Variants in PAH observed in about 807,000 individuals in gnomAD.
PAH encodes the protein phenylalanine hydroxylase, also known as phenylalanine-4-hydroxylase.
In PAH, 64 loss-of-function variants were observed where a neutral mutation model predicts 62.0. The observed-to-expected ratio is 1.03, with a 90% CI of 0.84 to 1.27. PAH has a LOEUF of 1.27. PAH is among the 50% of genes most tolerant of loss of function. PAH has a pLI of 0.00. For synonymous variants in PAH, 195 were observed against 196.2 expected (o/e 0.99, Z 0.05); for missense variants, 579 against 542.8 (o/e 1.07, Z -0.66).
At chr12:102,883,446 C>T (rs1365668405) in intron 3 of PAH, among the ~76,000 whole-genome samples, 1 of 152,178 alleles carries the variant, frequency 6.6e-6, no homozygotes, top group Non-Finnish European at 1.5e-5. Context: ...TTTTCCTTCT[C>T]CAGAGGAAAA....
upstream of PAH, chr12:102,953,861 C>G (rs1381186795): frequency 6.6e-6 from 1 of 152,246 alleles, no homozygotes; most frequent in Admixed American, 6.5e-5. Flanking sequence ...AGTGAAAAGG[C>G]AATCTCTGAT....
chr12:102,868,295 A>G (rs906838111), intron 4 of PAH, among the ~76,000 whole-genome samples: 2 of 150,940 alleles, frequency 1.3e-5, no homozygotes, highest in African/African-American at 4.9e-5. Context: ...TCTGGCACAC[A>G]GGAAAAAACT....
At chr12:102,862,510 C>T (rs1875772733) in intron 5 of PAH, among the ~76,000 whole-genome samples, 1 of 152,020 alleles carries the variant, frequency 6.6e-6, no homozygotes, top group African/African-American at 2.4e-5. Flanking sequence ...ACAAGTTTAC[C>T]TATATGTAAA....
intron 1 of PAH, among the ~76,000 whole-genome samples, chr12:102,915,399 C>G (rs1323775632): frequency 6.6e-6 from 1 of 152,160 alleles, no homozygotes; most frequent in Non-Finnish European, 1.5e-5. Flanking sequence ...TCACCTGAGG[C>G]CACATAGGTA....
chr12:102,928,717 A>G (rs1592995622), intron 1 of PAH, among the ~76,000 whole-genome samples: 1 of 152,114 alleles, frequency 6.6e-6, no homozygotes, highest in Non-Finnish European at 1.5e-5. Flanking sequence ...CACAGACCTG[A>G]TTGTGGATAT....
chr12:102,873,416 G>A (rs2136674363), intron 4 of PAH, among the ~76,000 whole-genome samples: 1 of 152,308 alleles, frequency 6.6e-6, no homozygotes, highest in Non-Finnish European at 1.5e-5. Flanking sequence ...TTGGTGGAAG[G>A]AGGCTTGGTT....
Position 102,957,021 on chromosome 12 carries a change from A to G in PAH, c.-96+1174T>C, listed in dbSNP as rs1351153596. ...GGGACTAGAACCCACGTTTTCACAT[A>G]GTCCAGCACTTTTTTTCACTGTTCT... On this transcript the variant is annotated intron_variant, in intron 1 of 4. Coordinates refer to the PAH transcript ENST00000551337. This position sits in a 1 kb window ranked among gnomAD's most constrained non-coding sequence, Gnocchi z 4.1. 1.3e-5 allele frequency among the ~76,000 whole-genome samples: 2 copies of G among 152,190 alleles called. No individual in the cohort carries two copies. The highest frequency in any genetic ancestry group is 1.9e-4 in the East Asian group (1 of 5,192).
At chr12:102,945,879 T>C (rs111624242) in intron 1 of PAH, 8,954 of 152,176 alleles carry the variant, frequency 0.059, 555 homozygotes, top group African/African-American at 0.16. Flanking sequence ...TCTCTCCTCA[T>C]AGCCACCACA....
intron 1 of PAH, chr12:102,958,071 G>A: frequency 2.2e-6 from 1 of 454,528 alleles, no homozygotes; most frequent in African/African-American, 2.0e-5. Flanking sequence ...ACTCTAAGAA[G>A]TCTCCCGGGG....
chr12:102,899,886 A>AAAAAAAAAAAAAAAAAAC, intron 2 of PAH, among the ~76,000 whole-genome samples: 1 of 143,558 alleles, frequency 7.0e-6, no homozygotes, highest in African/African-American at 2.6e-5. Flanking sequence ...AAAAAAAAAA[A>AAAAAAAAAAAAAAAAAAC]AGTGAGTAAC....
At chr12:102,925,258 T>C (rs1878655829) in intron 1 of PAH, among the ~76,000 whole-genome samples, 1 of 152,120 alleles carries the variant, frequency 6.6e-6, no homozygotes, top group Admixed American at 6.6e-5. Context: ...GGAATGCAGA[T>C]ATGCTGACTG....
chr12:102,912,488 T>C (rs1313778582), intron 2 of PAH, among the ~76,000 whole-genome samples: 1 of 152,168 alleles, frequency 6.6e-6, no homozygotes, highest in Non-Finnish European at 1.5e-5. Context: ...ATATGACTTA[T>C]AGTTAATCAT....
At chr12:102,888,274 C>A (rs1205268923) in intron 3 of PAH, among the ~76,000 whole-genome samples, 3 of 152,072 alleles carry the variant, frequency 2.0e-5, no homozygotes, top group Non-Finnish European at 4.4e-5. Context: ...CTTGGCCGAA[C>A]AGCTACAGCC....
At chr12:102,946,427 TAA>T (rs1247168275) in intron 1 of PAH, among the ~76,000 whole-genome samples, 1 of 152,232 alleles carries the variant, frequency 6.6e-6, no homozygotes, top group Non-Finnish European at 1.5e-5. Context: ...TTGCAAGAAC[TAA>T]ACTTTTGAAC....
intron 5 of PAH, among the ~76,000 whole-genome samples, chr12:102,857,955 A>G (rs1007462300): frequency 9.9e-5 from 15 of 152,226 alleles, no homozygotes; most frequent in Non-Finnish European, 1.6e-4. Context: ...TAATGACAGG[A>G]TCAAATTCAC....
intron 12 of PAH, among the ~76,000 whole-genome samples, chr12:102,839,558 G>C (rs1392025450): frequency 6.6e-6 from 1 of 152,206 alleles, no homozygotes; most frequent in African/African-American, 2.4e-5. Context: ...CTAATAGTAT[G>C]GTTCACACAA....
chr12:102,927,269 T>A lies in PAH; in HGVS notation c.-95-10044A>T, dbSNP rs148945488. Among the ~76,000 whole-genome samples the A allele has an allele frequency of 1.2e-4, 18 of 148,756 alleles. No homozygotes were observed. The East Asian group carries it at 3.6e-3, about 29-fold the overall frequency. ...TCACCAGGTCAATTCATACACTACA[T>A]CTTCAAAAAAGTTTTTTTTTTTTTT... On this transcript the variant is annotated intron_variant, in intron 1 of 3. Coordinates refer to the PAH transcript ENST00000546844.
upstream of PAH, among the ~76,000 whole-genome samples, chr12:102,952,094 C>T (rs949920298): frequency 6.6e-6 from 1 of 152,092 alleles, no homozygotes; most frequent in Non-Finnish European, 1.5e-5. Flanking sequence ...AGCAAAGAAG[C>T]CGTACAACAA....
At chr12:102,928,086 A>G (rs1435838911) in intron 1 of PAH, among the ~76,000 whole-genome samples, 3 of 152,188 alleles carry the variant, frequency 2.0e-5, no homozygotes, top group Non-Finnish European at 4.4e-5. Context: ...TACCAGGCAC[A>G]TCGGAAAGGT....
Sources: gnomAD v4.1 joint callset for allele counts (sites outside exome capture counted in the v4.1 genomes callset) on GRCh38, gnomAD v4.1.1 for gene constraint, Gnocchi (gnomAD v3.1) non-coding constraint, MANE v1.5 for transcripts, NCBI Gene and HGNC (gene_info 2026-07-23, HGNC 2026-07-21) for gene names.